The following NSG2 variants were observed in gnomAD, a reference collection of about 807,000 sequenced individuals.
NSG2 encodes the protein neuronal vesicle trafficking associated 2.
In NSG2, 4 loss-of-function variants were observed where a neutral mutation model predicts 16.9. That is an observed-to-expected ratio of 0.24 (90% confidence interval 0.12 to 0.54). NSG2 has a LOEUF of 0.54. NSG2 is among the 20% of genes least tolerant of loss of function. The pLI is 0.95. For missense variants in NSG2, 179 were observed against 221.1 expected, an observed-to-expected ratio of 0.81 and a Z score of 1.21; for synonymous variants, 98 against 88.7, an observed-to-expected ratio of 1.11 and a Z score of -0.59.
chr5:174,093,989 T>G (rs537950139), intron 3 of NSG2, among the ~76,000 whole-genome samples: 1 of 152,244 alleles, frequency 6.6e-6, no homozygotes, highest in African/African-American at 2.4e-5. Flanking sequence ...GTGACATATC[T>G]TCCTAGAATA....
chr5:174,049,897 A>G (rs929572056), intron 2 of NSG2, among the ~76,000 whole-genome samples: 4 of 152,254 alleles, frequency 2.6e-5, no homozygotes, highest in African/African-American at 9.6e-5. Context: ...AAGAAGCCAA[A>G]GGTCCTCTAA....
Position 174,097,569 on chromosome 5 carries a change from CTG to C in NSG2, c.214-6649_214-6648del, listed in dbSNP as rs554660734. Among the ~76,000 whole-genome samples, 344 of 142,098 alleles carry C rather than the reference CTG, an allele frequency of 2.4e-3. 3 individuals are homozygous for C. Among genetic ancestry groups the C allele is most frequent in the African/African-American group, 8.4e-3 (307 of 36,478 alleles). 93.2% of individuals were successfully genotyped at this position (142,098 alleles called of 152,430 possible). On this transcript the variant is annotated intron_variant, in intron 3 of 4. Transcript: ENST00000303177. ...TGTCTGTATGTCTCTGTGTGTGTAA[CTG>C]TGTGTGTGTCTGTGTGTGTGTAACT...
At chr5:174,078,427 T>G (rs745657264) in intron 3 of NSG2, among the ~76,000 whole-genome samples, 25 of 152,110 alleles carry the variant, frequency 1.6e-4, no homozygotes, top group Non-Finnish European at 5.9e-5. Flanking sequence ...ATCAGCACAT[T>G]GAGATCCTTT....
chr5:174,096,441 G>T (rs533627717), intron 3 of NSG2, among the ~76,000 whole-genome samples: 1 of 152,268 alleles, frequency 6.6e-6, no homozygotes, highest in Admixed American at 6.5e-5. Flanking sequence ...TGGGGGTGGG[G>T]AAAACTGGGG....
intron 3 of NSG2, among the ~76,000 whole-genome samples, chr5:174,103,059 G>A (rs10213773): frequency 6.6e-6 from 1 of 151,246 alleles, no homozygotes; most frequent in Non-Finnish European, 1.5e-5. Context: ...AAAGTGCTGA[G>A]ATTACAGGTG....
At position 174,108,714 on chromosome 5, in the gene NSG2, T is replaced by A. The variant is rs1450623964; in HGVS notation, c.*1209T>A. ...CAGTTCCCTGGAACCGTATCAGGCA[T>A]TCGCCTGCCTCTCACAAATGTTTCA... On this transcript the variant is annotated 3_prime_UTR_variant, in exon 5 of 5. Transcript: ENST00000303177. The A allele has an allele frequency of 1.3e-5, 2 of 152,436 alleles. No homozygotes were observed. Among genetic ancestry groups the A allele is most frequent in the African/African-American group, 4.8e-5 (2 of 41,462 alleles). The allele number at this position is 152,436 out of a possible 1,614,324, so 9.4% of individuals were successfully genotyped here.
chr5:174,068,515 A>T (rs1018831518), intron 3 of NSG2, among the ~76,000 whole-genome samples: 3 of 134,810 alleles, frequency 2.2e-5, no homozygotes, highest in Non-Finnish European at 4.8e-5. Context: ...GCGTCATGGG[A>T]TCCTGGTGCT....
intron 2 of NSG2, among the ~76,000 whole-genome samples, chr5:174,059,703 A>C (rs1386148395): frequency 6.6e-6 from 1 of 152,174 alleles, no homozygotes; most frequent in East Asian, 1.9e-4. Flanking sequence ...GTAGGATGTC[A>C]TCTGGACCCA....
At chr5:174,069,871 G>A (rs1025429929) in intron 3 of NSG2, among the ~76,000 whole-genome samples, 3 of 144,514 alleles carry the variant, frequency 2.1e-5, no homozygotes, top group Non-Finnish European at 4.5e-5. Context: ...GTAAAGGTAG[G>A]CCATTTTTTT....
intron 3 of NSG2, among the ~76,000 whole-genome samples, chr5:174,065,695 A>G (rs566931358): frequency 1.3e-5 from 2 of 152,272 alleles, no homozygotes; most frequent in South Asian, 4.2e-4. Flanking sequence ...AGGCAGATCT[A>G]AAATATTTAG....
Position 174,052,247 on chromosome 5 carries a change from A to G in NSG2, c.129+5363A>G, listed in dbSNP as rs1759900829. ...AGAAAGGAATGGGAGGTCTGACACC[A>G]GTTAGAAGGCCACTACTACATTCAG... On this transcript the variant is annotated intron_variant, in intron 2 of 4. Transcript: ENST00000303177. Among the ~76,000 whole-genome samples, 5 of 152,262 alleles carry G rather than the reference A, an allele frequency of 3.3e-5. No homozygotes were observed. In the South Asian group the frequency reaches 1.0e-3, roughly 32 times the overall value.
chr5:174,063,449 A>C (rs1760088793), intron 2 of NSG2, among the ~76,000 whole-genome samples: 1 of 152,142 alleles, frequency 6.6e-6, no homozygotes, highest in African/African-American at 2.4e-5. Flanking sequence ...TTTTCTTCTC[A>C]CAAGTCCCCA....
chr5:174,103,773 C>T (rs566000500), intron 3 of NSG2, among the ~76,000 whole-genome samples: 1 of 151,972 alleles, frequency 6.6e-6, no homozygotes, highest in Non-Finnish European at 1.5e-5. Flanking sequence ...ATGGTGAAAC[C>T]CTGTCTCTAC....
chr5:174,101,073 G>A (rs527858347), intron 3 of NSG2, among the ~76,000 whole-genome samples: 125 of 152,316 alleles, frequency 8.2e-4, no homozygotes, highest in African/African-American at 2.9e-3. Context: ...GAGCATGCAC[G>A]AGCTCGACAG....
Position 174,104,223 on chromosome 5 carries a change from T to C in NSG2, c.214-5T>C, listed in dbSNP as rs370650638. 1 of 1,611,626 alleles carries C rather than the reference T, an allele frequency of 6.2e-7. No homozygotes were observed. The highest frequency in any genetic ancestry group is 8.5e-7 in the Non-Finnish European group (1 of 1,177,902). Reference sequence around the variant, plus strand: ...GCTGGATGACTTAATTTTGTATTCCTCCAGGTCACCATCCTTGTCAGCCTG... The same window carrying C: ...GCTGGATGACTTAATTTTGTATTCCCCCAGGTCACCATCCTTGTCAGCCTG... On this transcript the variant is annotated splice_polypyrimidine_tract_variant and splice_region_variant and intron_variant, in intron 3 of 4. Transcript: ENST00000303177.
intron 3 of NSG2, among the ~76,000 whole-genome samples, chr5:174,096,580 G>A (rs1760797125): frequency 1.3e-5 from 2 of 152,190 alleles, no homozygotes; most frequent in Non-Finnish European, 2.9e-5. Flanking sequence ...CGTTCATCAG[G>A]GAGGCAGTGT....
At chr5:174,046,517 G>A (rs1759798676) in intron 1 of NSG2, 1 of 525,470 alleles carries the variant, frequency 1.9e-6, no homozygotes, top group Non-Finnish European at 3.4e-6. Context: ...TTTGAGTGCT[G>A]TTGAACCCCA....
chr5:174,103,287 C>A (rs554113066), intron 3 of NSG2, among the ~76,000 whole-genome samples: 3 of 152,092 alleles, frequency 2.0e-5, no homozygotes, highest in South Asian at 2.1e-4. Flanking sequence ...CAGAAATGAT[C>A]GTTTCTTCTG....
At chr5:174,087,886 C>G (rs1038964388) in intron 3 of NSG2, among the ~76,000 whole-genome samples, 4 of 152,052 alleles carry the variant, frequency 2.6e-5, no homozygotes, top group Non-Finnish European at 2.9e-5. Context: ...GTGAAATCAT[C>G]TTGGATATGA....
Sources: gnomAD v4.1 joint callset for allele counts (sites outside exome capture counted in the v4.1 genomes callset) on GRCh38, gnomAD v4.1.1 for gene constraint, MANE v1.5 for transcripts, NCBI Gene and HGNC (gene_info 2026-07-23, HGNC 2026-07-21) for gene names.